The following MCM9 variants were observed in gnomAD, a reference collection of about 807,000 sequenced individuals.
MCM9 encodes the protein DNA helicase MCM9.
MCM9 carries 55 observed loss-of-function variants against 72.8 expected under a neutral mutation model. That is an observed-to-expected ratio of 0.76 (90% CI 0.61 to 0.95). MCM9 has a LOEUF of 0.95. MCM9 is among the 40% of genes least tolerant of loss of function. MCM9 has a pLI of 0.00. For synonymous variants in MCM9, 480 were observed against 503.4 expected (o/e 0.95, Z 0.62); for missense variants, 1,279 against 1,377.0 (o/e 0.93, Z 1.13).
intron 8 of MCM9, among the ~76,000 whole-genome samples, chr6:118,878,567 CAAAGA>C (rs889989090): frequency 3.3e-5 from 5 of 151,724 alleles, no homozygotes; most frequent in African/African-American, 1.2e-4. Context: ...AATAATAGCA[CAAAGA>C]AAAGGGAATA....
chr6:118,821,440 A>G (rs1465853389), intron 13 of MCM9, among the ~76,000 whole-genome samples: 1 of 152,166 alleles, frequency 6.6e-6, no homozygotes, highest in Non-Finnish European at 1.5e-5. Flanking sequence ...AGAATTTTGA[A>G]TATTGGCCCC....
chr6:118,824,294 T>C (rs1774018516), intron 13 of MCM9, among the ~76,000 whole-genome samples: 2 of 152,144 alleles, frequency 1.3e-5, no homozygotes, highest in Middle Eastern at 3.4e-3. Context: ...AAAAATCTCC[T>C]AAAAGATGAG....
intron 9 of MCM9, among the ~76,000 whole-genome samples, chr6:118,847,725 C>T: frequency 6.6e-6 from 1 of 151,746 alleles, no homozygotes; most frequent in Non-Finnish European, 1.5e-5. Context: ...ATGTCAAAAG[C>T]TCACTGATAT....
At chr6:118,932,830 T>C (rs571529361) in intron 1 of MCM9, 90 bp from the exon 2 acceptor site, 1 of 152,910 alleles carries the variant, frequency 6.5e-6, no homozygotes, top group South Asian at 2.1e-4. Context: ...TGAAAATAAA[T>C]ACAGCATATA....
At chr6:118,839,931 T>C (rs942197327) in intron 9 of MCM9, among the ~76,000 whole-genome samples, 2 of 152,156 alleles carry the variant, frequency 1.3e-5, no homozygotes, top group African/African-American at 4.8e-5. Flanking sequence ...CCTTCTGTCC[T>C]AGCAGAGCTC....
chr6:118,888,465 T>C (rs991906286), intron 8 of MCM9, among the ~76,000 whole-genome samples: 5 of 152,008 alleles, frequency 3.3e-5, no homozygotes, highest in South Asian at 2.1e-4. Context: ...CCAGCCTGGG[T>C]GACAGAGTGA....
intron 13 of MCM9, among the ~76,000 whole-genome samples, chr6:118,817,910 T>C (rs367625464): frequency 6.6e-6 from 1 of 152,234 alleles, no homozygotes; most frequent in Non-Finnish European, 1.5e-5. Context: ...CTTTTTTTCA[T>C]GTTTGTTGGC....
chr6:118,820,854 T>C (rs929008809), intron 13 of MCM9, among the ~76,000 whole-genome samples: 13 of 152,346 alleles, frequency 8.5e-5, no homozygotes, highest in South Asian at 4.1e-4. Context: ...TCTTGTTGCA[T>C]TGATCCCTTT....
At chr6:118,886,813 C>T (rs995896923) in intron 8 of MCM9, among the ~76,000 whole-genome samples, 6 of 151,854 alleles carry the variant, frequency 4.0e-5, no homozygotes, top group East Asian at 3.9e-4. Flanking sequence ...AAAAATTAGC[C>T]GGATGTGGTG....
chr6:118,903,266 T>C (rs916788780), intron 8 of MCM9, among the ~76,000 whole-genome samples: 2 of 152,182 alleles, frequency 1.3e-5, no homozygotes, highest in African/African-American at 4.8e-5. Context: ...ACACTGAAAG[T>C]AATCTAACCC....
At position 118,827,980 on chromosome 6, in the gene MCM9, T is replaced by C. The variant is rs113694277; in HGVS notation, c.1679A>G (p.Asn560Ser). ...CAGCCGAATGGTGGTCCGGGCAGCG[T>C]TCCGGCAATCACTCTGCCTTTGCAT... is the stretch of plus-strand genomic sequence containing the variant. ...YQMQRQSDCR[N>S]AARTTIRLLE... Residue 560 changes from asparagine to serine, a missense_variant, in exon 11 of 14, where the codon AAC becomes AGC. By Grantham distance (46) the Asn-to-Ser change is conservative. Coordinates refer to ENST00000619706, the MANE Select transcript of MCM9 (RefSeq NM_017696.3). The C allele has an allele frequency of 3.9e-6, 6 of 1,551,036 alleles. No individual in the cohort carries two copies. In the African/African-American group the frequency reaches 4.1e-5, roughly 11 times the overall value.
chr6:118,896,735 G>A (rs1465448693), intron 8 of MCM9, among the ~76,000 whole-genome samples: 1 of 152,194 alleles, frequency 6.6e-6, no homozygotes, highest in African/African-American at 2.4e-5. Flanking sequence ...TAGAGGCTAT[G>A]TGGATTAAGG....
intron 9 of MCM9, among the ~76,000 whole-genome samples, chr6:118,840,481 T>C (rs1775276857): frequency 6.6e-6 from 1 of 152,134 alleles, no homozygotes; most frequent in Non-Finnish European, 1.5e-5. Flanking sequence ...GCAAAACCTA[T>C]CCCAACAATG....
In MCM9 at chr6:118,814,792, A is replaced by G. The variant is rs1381946835; in HGVS notation, c.*32T>C. ...CTGAAGGTCCTCTGTGGAGTTGAAGAAGGTGAGATTTGACCAGAAAGCTTT... is the reference window on the plus strand; with the variant it reads ...CTGAAGGTCCTCTGTGGAGTTGAAGGAGGTGAGATTTGACCAGAAAGCTTT... On this transcript the variant is annotated 3_prime_UTR_variant, in exon 14 of 14. Coordinates refer to ENST00000619706, the MANE Select transcript of MCM9 (RefSeq NM_017696.3). The G allele has an allele frequency of 2.7e-6, 4 of 1,468,280 alleles. No individual in the cohort carries two copies. Among genetic ancestry groups the G allele is most frequent in the Non-Finnish European group, 9.0e-7 (1 of 1,108,836 alleles). The allele number at this position is 1,468,280 out of a possible 1,614,324, so 91.0% of individuals were successfully genotyped here. A position where few individuals can be genotyped will look rare whatever the true frequency, so the allele number is the denominator to read the frequency against.
At chr6:118,916,469 A>ATT (rs1037352252) in intron 6 of MCM9, among the ~76,000 whole-genome samples, 5 of 146,716 alleles carry the variant, frequency 3.4e-5, no homozygotes, top group Admixed American at 1.4e-4. Flanking sequence ...TATTATTATT[A>ATT]TTATTATGAG....
chr6:118,826,894 G>C, intron 11 of MCM9, 30 bp from the exon 12 acceptor site: 1 of 1,524,400 alleles, frequency 6.6e-7, no homozygotes. Flanking sequence ...TTGTTTTTTA[G>C]GAATATTTGA....
intron 9 of MCM9, among the ~76,000 whole-genome samples, chr6:118,855,108 A>G (rs1212131616): frequency 1.3e-5 from 2 of 152,194 alleles, no homozygotes; most frequent in Admixed American, 6.5e-5. Context: ...ACTGAACAGA[A>G]TCAGCTACAG....
At chr6:118,895,170 G>A (rs1405793062) in intron 8 of MCM9, among the ~76,000 whole-genome samples, 1 of 151,974 alleles carries the variant, frequency 6.6e-6, no homozygotes, top group East Asian at 1.9e-4. Flanking sequence ...ACCAGCGGGG[G>A]AGGCGGGCGC....
rs1264636521 is a variant in MCM9 at position 118,922,225 on chromosome 6, T to C, written c.622-139A>G. The C allele has an allele frequency of 8.6e-6, 5 of 581,192 alleles. 1 individual carries two copies. Among genetic ancestry groups the C allele is most frequent in the Non-Finnish European group, 1.4e-5 (5 of 352,000 alleles). 36.0% of individuals were successfully genotyped at this position (581,192 alleles called of 1,614,324 possible). A position where few individuals can be genotyped will look rare whatever the true frequency, so the allele number is the denominator to read the frequency against. ...AATTATAATGGGGATTTAAGTAATT[T>C]TTCTTGAAAACTATGTCTACTATCA... On this transcript the variant is annotated intron_variant, in intron 4 of 13. Coordinates refer to ENST00000619706, the MANE Select transcript of MCM9 (RefSeq NM_017696.3).
Sources: gnomAD v4.1 joint callset for allele counts (sites outside exome capture counted in the v4.1 genomes callset) on GRCh38, gnomAD v4.1.1 for gene constraint, MANE v1.5 for transcripts, NCBI Gene and HGNC (gene_info 2026-07-23, HGNC 2026-07-21) for gene names.